The following OXR1 variants were observed in gnomAD, a reference collection of about 807,000 sequenced individuals.
The protein encoded by OXR1 is oxidation resistance protein 1.
Under a neutral mutation model 104.6 loss-of-function variants are expected in OXR1, and 41 were observed. The ratio of observed to expected loss-of-function variants is 0.39; its 90% CI spans 0.31 to 0.51. The LOEUF (loss-of-function observed/expected upper bound fraction) is 0.51. Among genes scored for constraint, OXR1 ranks in the 20% least tolerant of loss-of-function variants. OXR1 has a pLI of 0.77. For missense variants in OXR1, 955 were observed against 1,031.9 expected (o/e 0.93, Z 1.02); for synonymous variants, 348 against 348.4 (o/e 1.00, Z 0.01).
At chr8:106,606,001 T>A (rs1191650783) in intron 3 of OXR1, among the ~76,000 whole-genome samples, 1 of 149,794 alleles carries the variant, frequency 6.7e-6, no homozygotes, top group African/African-American at 2.5e-5. Context: ...ACCAGATGTA[T>A]TATGTTTCCT....
At chr8:106,657,853 C>G (rs1453851688) in intron 3 of OXR1, 3 of 1,239,980 alleles carry the variant, frequency 2.4e-6, no homozygotes, top group Non-Finnish European at 2.0e-6. Context: ...TCCTCCTCCC[C>G]GCCTCTTGTG....
chr8:106,330,274 T>G (rs1378679750), intron 1 of OXR1, among the ~76,000 whole-genome samples: 2 of 152,230 alleles, frequency 1.3e-5, no homozygotes, highest in African/African-American at 4.8e-5. Flanking sequence ...TGAATTGACT[T>G]CTTTGTGTAC....
intron 3 of OXR1, among the ~76,000 whole-genome samples, chr8:106,551,201 C>T (rs1815773990): frequency 6.6e-6 from 1 of 152,106 alleles, no homozygotes; most frequent in African/African-American, 2.4e-5. Context: ...TTCACTCATT[C>T]CAGAACACTA....
chr8:106,396,955 C>T (rs1313253675), intron 2 of OXR1, among the ~76,000 whole-genome samples: 2 of 152,022 alleles, frequency 1.3e-5, no homozygotes, highest in African/African-American at 4.8e-5. Flanking sequence ...TGACTTGGAA[C>T]AATTCCAAGA....
At chr8:106,549,525 A>G (rs1264570700) in intron 3 of OXR1, among the ~76,000 whole-genome samples, 2 of 152,194 alleles carry the variant, frequency 1.3e-5, no homozygotes, top group Non-Finnish European at 2.9e-5. Context: ...CCTCATATCT[A>G]TTTTTAAAAT....
chr8:106,433,161 G>C (rs1339120168), intron 2 of OXR1, among the ~76,000 whole-genome samples: 1 of 152,176 alleles, frequency 6.6e-6, no homozygotes, highest in East Asian at 1.9e-4. Context: ...TTGGTAGATA[G>C]GGGCTTGGGA....
At chr8:106,277,722 G>C (rs540882200) in intron 1 of OXR1, among the ~76,000 whole-genome samples, 104 of 152,226 alleles carry the variant, frequency 6.8e-4, no homozygotes, top group Non-Finnish European at 1.2e-3. Flanking sequence ...TACTCTTCAG[G>C]GTTCTAAGAT....
At chr8:106,329,487 A>G (rs1814622147) in intron 1 of OXR1, among the ~76,000 whole-genome samples, 1 of 151,694 alleles carries the variant, frequency 6.6e-6, no homozygotes, top group Non-Finnish European at 1.5e-5. Flanking sequence ...AGCTGGGACT[A>G]CAGACGCCCT....
chr8:106,307,657 T>C (rs1032024992), intron 1 of OXR1, among the ~76,000 whole-genome samples: 2 of 152,060 alleles, frequency 1.3e-5, no homozygotes, highest in African/African-American at 4.8e-5. Context: ...TTTTGGAAGG[T>C]TGCATCCAAA....
intron 1 of OXR1, among the ~76,000 whole-genome samples, chr8:106,316,724 CTATCTATCT>C (rs1563713961): frequency 5.4e-4 from 23 of 42,472 alleles, no homozygotes; most frequent in South Asian, 2.0e-3. Context: ...TATCATCTAT[CTATCTATCT>C]ATCTATCTAT....
chr8:106,694,822 TAC>T (rs1829764094), intron 7 of OXR1, among the ~76,000 whole-genome samples: 2 of 126,084 alleles, frequency 1.6e-5, no homozygotes, highest in Non-Finnish European at 3.2e-5. Flanking sequence ...AATAGATAAA[TAC>T]ATTTATATAT....
At chr8:106,512,413 T>C (rs901349543) in intron 2 of OXR1, among the ~76,000 whole-genome samples, 5 of 152,204 alleles carry the variant, frequency 3.3e-5, no homozygotes, top group Non-Finnish European at 5.9e-5. Context: ...TTGCTACTAT[T>C]ACCACCAATA....
At chr8:106,483,693 T>C (rs1452390987) in intron 2 of OXR1, among the ~76,000 whole-genome samples, 1 of 152,118 alleles carries the variant, frequency 6.6e-6, no homozygotes, top group Non-Finnish European at 1.5e-5. Flanking sequence ...ATTAGTCTTA[T>C]GGTAATTTGA....
rs376028407 is a variant in OXR1, at chr8:106,749,542, A to G, written c.2487-1264A>G. ...ATAATTGACAAACTCTACCCCAGAGAGGTTAAGTGACTTAACTAAGTTTGA... is the reference window on the plus strand; with the variant it reads ...ATAATTGACAAACTCTACCCCAGAGGGGTTAAGTGACTTAACTAAGTTTGA... On this transcript the variant is annotated intron_variant, in intron 16 of 16. Transcript: ENST00000517566. Among the ~76,000 whole-genome samples the G allele has an allele frequency of 5.9e-5, 9 of 152,206 alleles. No individual in the cohort carries two copies. In the East Asian group the frequency reaches 1.2e-3, roughly 20 times the overall value.
At chr8:106,729,821 A>G (rs1177287727) in intron 11 of OXR1, 2 of 152,148 alleles carry the variant, frequency 1.3e-5, no homozygotes, top group Non-Finnish European at 1.5e-5. Flanking sequence ...AGACCAGAAA[A>G]CCTGCTAGAT....
intron 1 of OXR1, among the ~76,000 whole-genome samples, chr8:106,339,492 C>A (rs1226071364): frequency 1.3e-4 from 1 of 7,584 alleles, no homozygotes; most frequent in Non-Finnish European, 1.9e-4. Context: ...AGACTCCATC[C>A]AAAAAAAAAA....
intron 2 of OXR1, among the ~76,000 whole-genome samples, chr8:106,500,825 ATGTC>A (rs1472413954): frequency 2.0e-5 from 3 of 152,216 alleles, no homozygotes; most frequent in African/African-American, 7.2e-5. Context: ...TATCATCTAA[ATGTC>A]TGTTCTAAGC....
At chr8:106,275,611 G>A (rs758497293) in intron 1 of OXR1, among the ~76,000 whole-genome samples, 9 of 152,180 alleles carry the variant, frequency 5.9e-5, no homozygotes, top group Non-Finnish European at 8.8e-5. Flanking sequence ...CTTGTTTGGA[G>A]AAACCATATT....
rs116869884 is a variant in OXR1, at chr8:106,288,130, C to A, written c.-139+17763C>A. Among the ~76,000 whole-genome samples the A allele has an allele frequency of 8.3e-4, 126 of 152,270 alleles. 1 individual carries two copies. In the East Asian group the frequency reaches 0.021, roughly 25 times the overall value. On this transcript the variant is annotated intron_variant, in intron 1 of 16. Transcript: ENST00000517566. Reference sequence around the variant, plus strand: ...TAGCTGCAGCCTGAAGACAGCTGGCCATGAAAACAGATGGGGTCCCTGGGC... The same window carrying A: ...TAGCTGCAGCCTGAAGACAGCTGGCAATGAAAACAGATGGGGTCCCTGGGC...
Sources: allele counts gnomAD v4.1 joint callset (sites outside exome capture counted in the v4.1 genomes callset), GRCh38; gene constraint gnomAD v4.1.1; transcripts MANE v1.5; gene names NCBI Gene and HGNC (gene_info 2026-07-23, HGNC 2026-07-21).